Variants in SAP130 observed in about 807,000 individuals in gnomAD.
SAP130 encodes histone deacetylase complex subunit SAP130.
SAP130 carries 16 observed loss-of-function variants against 103.2 expected under a neutral mutation model. That is an observed-to-expected ratio of 0.16 (90% CI 0.10 to 0.24). SAP130 has a LOEUF of 0.24. Among genes scored for constraint, SAP130 ranks in the 10% least tolerant of loss-of-function variants. SAP130 has a pLI of 1.00. For synonymous variants in SAP130, 477 were observed against 497.0 expected, an observed-to-expected ratio of 0.96 and a Z score of 0.53; for missense variants, 990 against 1,359.7, an observed-to-expected ratio of 0.73 and a Z score of 4.28.
chr2:127,954,844 C>A, intron 16 of SAP130, 142 bp downstream of exon 16: 1 of 630,150 alleles, frequency 1.6e-6, no homozygotes, highest in Non-Finnish European at 2.7e-6. Context: ...TTCTACTTAT[C>A]AAAAACTAAT....
At chr2:127,982,481 T>C (rs1682023371) in intron 14 of SAP130, among the ~76,000 whole-genome samples, 1 of 152,200 alleles carries the variant, frequency 6.6e-6, no homozygotes, top group South Asian at 2.1e-4. Context: ...GGAAGTTGTC[T>C]TTTGATTTTC....
At chr2:127,976,988 A>G (rs957014143) in intron 15 of SAP130, among the ~76,000 whole-genome samples, 1 of 152,164 alleles carries the variant, frequency 6.6e-6, no homozygotes, top group African/African-American at 2.4e-5. Context: ...CAGAACTATT[A>G]TCTTGATCAT....
Position 128,026,256 on chromosome 2 carries a change from A to G in SAP130, c.37T>C (p.Ser13Pro). 1 of 1,614,174 alleles carries G rather than the reference A, an allele frequency of 6.2e-7. No individual in the cohort carries two copies. The highest frequency in any genetic ancestry group is 1.6e-4 in the Middle Eastern group (1 of 6,062). The change falls in exon 2 of 21, where the codon TCT becomes CCT. Residue 13 changes from serine (S) to proline (P), a missense_variant. This residue lies in a region of SAP130 where 167 missense variants were observed against 187.4 expected (regional missense o/e 0.89). Coordinates refer to ENST00000643581, the MANE Select transcript of SAP130 (RefSeq NM_001330301.2). ...GAAGGGGCCTGGCTCAGCCCGGTAG[A>G]AGGGGCTCCTAACCGAGGAAACTGT... ...SQQFPRLGAP[S>P]TGLSQAPSQI...
At chr2:127,979,195 A>G (rs1681686950) in intron 14 of SAP130, among the ~76,000 whole-genome samples, 1 of 152,214 alleles carries the variant, frequency 6.6e-6, no homozygotes, top group Non-Finnish European at 1.5e-5. Context: ...GGAGGCAGAG[A>G]TTGGGGTGCT....
At position 127,942,681 on chromosome 2, in the gene SAP130, A is replaced by T. The variant is rs1678790743; in HGVS notation, c.2902-144T>A. On this transcript the variant is annotated intron_variant, in intron 19 of 20. Coordinates refer to ENST00000643581, the MANE Select transcript of SAP130 (RefSeq NM_001330301.2). The surrounding 1 kb of genome is among the most constrained non-coding windows in gnomAD (Gnocchi z 4.8). ...AACGTCCTTTCTCCTAAGGACTAAGATACTAAGGTTTAAAAACAGTAAAGG... is the reference window on the plus strand; with the variant it reads ...AACGTCCTTTCTCCTAAGGACTAAGTTACTAAGGTTTAAAAACAGTAAAGG... 6.5e-6 allele frequency: 4 copies of T among 616,234 alleles called. No individual in the cohort carries two copies. The highest frequency in any genetic ancestry group is 1.2e-5 in the Non-Finnish European group (4 of 346,564). 38.2% of individuals were successfully genotyped at this position (616,234 alleles called of 1,614,324 possible).
At chr2:128,018,483 C>CAAAAAAAAAAAAAAAAAA (rs759445928) in intron 2 of SAP130, among the ~76,000 whole-genome samples, 37 of 69,470 alleles carry the variant, frequency 5.3e-4, no homozygotes, top group African/African-American at 2.2e-3. Context: ...AGATTGTCTC[C>CAAAAAAAAAAAAAAAAAA]AAAAAAAAAA....
At chr2:127,994,462 C>T (rs2105045809) in intron 11 of SAP130, among the ~76,000 whole-genome samples, 1 of 152,304 alleles carries the variant, frequency 6.6e-6, no homozygotes, top group Non-Finnish European at 1.5e-5. Flanking sequence ...TGTGGTGGCA[C>T]ACGCCTATAA....
Position 128,027,389 on chromosome 2 carries a change from G to A in SAP130, c.-7+551C>T, listed in dbSNP as rs1011776181. 1.1e-4 allele frequency: 122 copies of A among 1,137,724 alleles called. No homozygotes were observed. The African/African-American group carries it at 1.4e-3, about 13-fold the overall frequency. The allele number at this position is 1,137,724 out of a possible 1,614,324, so 70.5% of individuals were successfully genotyped here. On this transcript the variant is annotated intron_variant, in intron 1 of 20. Transcript: ENST00000643581. ...AGGACCAATCCACAGCGACCTGCACGTTCAGAGCCCGCCCCACCCTCCCGC... is the reference window on the plus strand; with the variant it reads ...AGGACCAATCCACAGCGACCTGCACATTCAGAGCCCGCCCCACCCTCCCGC...
chr2:127,970,403 T>C (rs1294865963), intron 15 of SAP130, among the ~76,000 whole-genome samples: 5 of 151,418 alleles, frequency 3.3e-5, no homozygotes, highest in African/African-American at 1.2e-4. Context: ...TAGCTGGGCA[T>C]GGTGATGCGT....
At chr2:127,978,184 C>A (rs543044648) in intron 14 of SAP130, 95 bp from the exon 15 acceptor site, 90 of 831,900 alleles carry the variant, frequency 1.1e-4, no homozygotes, top group Non-Finnish European at 1.7e-4. Context: ...ATACCTAGGA[C>A]AAAATAAAGC....
chr2:127,983,200 A>G (rs746542745), intron 14 of SAP130, among the ~76,000 whole-genome samples: 9 of 152,230 alleles, frequency 5.9e-5, no homozygotes, highest in African/African-American at 2.2e-4. Context: ...GCCCTGCCCA[A>G]CAAGAAGGCC....
At chr2:128,026,449 A>G in intron 1 of SAP130, 151 bp from the exon 2 acceptor site, 1 of 595,820 alleles carries the variant, frequency 1.7e-6, no homozygotes, top group Non-Finnish European at 3.0e-6. Flanking sequence ...GGATCAATAT[A>G]AATGCAGACA....
Position 128,027,334 on chromosome 2 carries a change from G to A in SAP130, c.-7+606C>T. ...CCCTGCCTCCCCCGCCCGCCCATTG[G>A]CCCCACGCCCGACGCGTCAGTGGAG... On this transcript the variant is annotated intron_variant, in intron 1 of 20. Coordinates refer to ENST00000643581, the MANE Select transcript of SAP130 (RefSeq NM_001330301.2). 7 of 1,152,292 alleles carry A rather than the reference G, an allele frequency of 6.1e-6. No individual in the cohort carries two copies. In the South Asian group the frequency reaches 1.8e-4, roughly 29 times the overall value. 71.4% of individuals were successfully genotyped at this position (1,152,292 alleles called of 1,614,324 possible).
intron 2 of SAP130, among the ~76,000 whole-genome samples, chr2:128,020,878 C>T (rs977853091): frequency 1.3e-5 from 2 of 151,980 alleles, no homozygotes; most frequent in African/African-American, 4.8e-5. Context: ...TGCCTGTAAT[C>T]CCACCTACTC....
At chr2:128,008,382 CAG>C (rs72348299) in intron 7 of SAP130, among the ~76,000 whole-genome samples, 3,542 of 152,080 alleles carry the variant, frequency 0.023, 100 homozygotes, top group East Asian at 0.13. Context: ...TCTTTTTTTT[CAG>C]AGTCAGGATC....
intron 15 of SAP130, among the ~76,000 whole-genome samples, chr2:127,963,710 G>C (rs563253539): frequency 6.6e-6 from 1 of 152,130 alleles, no homozygotes; most frequent in Non-Finnish European, 1.5e-5. Flanking sequence ...TTCTTGTGCT[G>C]TTCTCGTGAT....
At chr2:127,971,923 A>C (rs1681120031) in intron 15 of SAP130, among the ~76,000 whole-genome samples, 1 of 152,210 alleles carries the variant, frequency 6.6e-6, no homozygotes, top group South Asian at 2.1e-4. Flanking sequence ...AATTATCTTC[A>C]TATTAATCCT....
At chr2:128,010,871 A>G (rs1280187931) in intron 6 of SAP130, among the ~76,000 whole-genome samples, 1 of 151,072 alleles carries the variant, frequency 6.6e-6, no homozygotes, top group African/African-American at 2.4e-5. Context: ...TTGAAAAAAT[A>G]GAAAAGAAAA....
At position 127,993,195 on chromosome 2, in the gene SAP130, T is replaced by G; in HGVS notation, c.1469A>C (p.Gln490Pro). The change falls in exon 12 of 21, where the codon CAG (glutamine) becomes CCG (proline). Residue 490 changes from glutamine (Q) to proline (P), a missense_variant. Physicochemically the swap from Gln to Pro is moderately conservative, Grantham distance 76. Transcript: ENST00000643581. ...PITSSVSTIR[Q>P]YPVSAQAPNS... The stretch of plus-strand genomic sequence containing the variant: ...AAAAGCAGGGCTCATACCTGGATAC[T>G]GTCGGATAGTGGACACGGAACTGGT... 1 of 1,614,066 alleles carries G rather than the reference T, an allele frequency of 6.2e-7. No homozygotes were observed. The highest frequency in any genetic ancestry group is 8.5e-7 in the Non-Finnish European group (1 of 1,179,986).
Sources: gnomAD v4.1 joint callset for allele counts (sites outside exome capture counted in the v4.1 genomes callset) on GRCh38, gnomAD v4.1.1 for gene constraint, gnomAD v4.1.1 regional missense constraint, Gnocchi (gnomAD v3.1) non-coding constraint, MANE v1.5 for transcripts, NCBI Gene and HGNC (gene_info 2026-07-23, HGNC 2026-07-21) for gene names.